Variants in C3orf52 observed in about 807,000 individuals in gnomAD.
The protein encoded by C3orf52 is TPA-induced transmembrane protein.
C3orf52 carries 22 observed loss-of-function variants against 24.8 expected under a neutral mutation model. That is an observed-to-expected ratio of 0.89 (90% CI 0.63 to 1.27). C3orf52 has a LOEUF of 1.27. Among genes scored for constraint, C3orf52 ranks in the 50% most tolerant of loss-of-function variants. The pLI is 0.00. For synonymous variants in C3orf52, 93 were observed against 100.2 expected (o/e 0.93, Z 0.43); for missense variants, 265 against 260.7 (o/e 1.02, Z -0.11).
intron 3 of C3orf52, among the ~76,000 whole-genome samples, 183 bp downstream of exon 3, chr3:112,103,148 G>A (rs1345798243): frequency 6.6e-6 from 1 of 152,144 alleles, no homozygotes; most frequent in African/African-American, 2.4e-5. Context: ...TCACTTACAA[G>A]TGGGAGCTAA....
intron 1 of C3orf52, 28 bp from the exon 2 acceptor site, chr3:112,093,332 G>A: frequency 1.2e-6 from 2 of 1,612,118 alleles, no homozygotes. Context: ...CACAATGACT[G>A]CCTCACAATC....
chr3:112,125,392 G>A (rs1576162549), intron 4 of C3orf52: 1 of 661,836 alleles, frequency 1.5e-6, no homozygotes, highest in East Asian at 2.7e-5. Context: ...CTGATCTACA[G>A]CACATCCCTG....
downstream of C3orf52, chr3:112,133,047 T>G: frequency 6.3e-7 from 1 of 1,591,238 alleles, no homozygotes; most frequent in Non-Finnish European, 8.6e-7. Flanking sequence ...TGCTGTATTG[T>G]CCTGTCCCAT....
intron 5 of C3orf52, 27 bp from the exon 6 acceptor site, chr3:112,116,614 CT>C: frequency 1.3e-6 from 2 of 1,523,058 alleles, no homozygotes; most frequent in African/African-American, 1.4e-5. Flanking sequence ...AAATCAGTAA[CT>C]TTTGTTCATC....
intron 2 of C3orf52, among the ~76,000 whole-genome samples, chr3:112,100,119 T>C (rs908452009): frequency 6.6e-6 from 1 of 152,214 alleles, no homozygotes; most frequent in Non-Finnish European, 1.5e-5. Flanking sequence ...AACTTGTGCC[T>C]GTTGGCCTCT....
chr3:112,124,690 T>C (rs932564897), intron 4 of C3orf52, among the ~76,000 whole-genome samples: 2 of 152,210 alleles, frequency 1.3e-5, no homozygotes, highest in African/African-American at 4.8e-5. Flanking sequence ...CCTCTAGAGA[T>C]ATTTATGTTA....
chr3:112,132,383 A>G (rs892702412), downstream of C3orf52, among the ~76,000 whole-genome samples: 1 of 152,142 alleles, frequency 6.6e-6, no homozygotes, highest in Non-Finnish European at 1.5e-5. Flanking sequence ...TACCCTAGAG[A>G]TTACCTTGTC....
chr3:112,123,481 A>C, intron 4 of C3orf52: 2 of 1,614,130 alleles, frequency 1.2e-6, no homozygotes. Context: ...TGAGTCTCAG[A>C]AGGGGCCATA....
intron 1 of C3orf52, among the ~76,000 whole-genome samples, chr3:112,090,287 C>CTTTTTTTTTT (rs386397627): frequency 1.8e-5 from 2 of 109,048 alleles, no homozygotes; most frequent in Admixed American, 9.9e-5. Context: ...GTTTCATGTG[C>CTTTTTTTTTT]TTTTTTTTTT....
intron 1 of C3orf52, among the ~76,000 whole-genome samples, chr3:112,090,366 C>G (rs763214690): frequency 2.0e-5 from 3 of 148,130 alleles, no homozygotes; most frequent in Non-Finnish European, 4.4e-5. Context: ...ATGCTCATAG[C>G]TCACTGCAGC....
At chr3:112,132,862 A>G (rs980614975), downstream of C3orf52, 5 of 499,860 alleles carry the variant, frequency 1.0e-5, no homozygotes, top group Admixed American at 1.2e-4. Context: ...TCCACCTTTC[A>G]GCTATTCTCC....
At chr3:112,135,193 T>C (rs1218424463), downstream of C3orf52, 1 of 150,930 alleles carries the variant, frequency 6.6e-6, no homozygotes, top group African/African-American at 2.4e-5. Flanking sequence ...ATCCTTGTAT[T>C]TGATGGTTGT....
chr3:112,106,132 T>G (rs542713479), intron 3 of C3orf52, among the ~76,000 whole-genome samples: 1 of 152,210 alleles, frequency 6.6e-6, no homozygotes, highest in Non-Finnish European at 1.5e-5. Context: ...CTCTCCAGAC[T>G]CTGTCTTTTA....
At chr3:112,091,224 A>G (rs1017827608) in intron 1 of C3orf52, among the ~76,000 whole-genome samples, 1 of 152,204 alleles carries the variant, frequency 6.6e-6, no homozygotes, top group Admixed American at 6.5e-5. Flanking sequence ...AACAGCCCAC[A>G]ATCGTTAAAT....
intron 2 of C3orf52, among the ~76,000 whole-genome samples, chr3:112,095,620 G>A (rs371526707): frequency 6.6e-6 from 1 of 152,206 alleles, no homozygotes; most frequent in East Asian, 1.9e-4. Flanking sequence ...AACACTTGTA[G>A]TGCAAACTTT....
downstream of C3orf52, chr3:112,134,655 T>C (rs911130261): frequency 1.3e-5 from 2 of 152,254 alleles, no homozygotes; most frequent in African/African-American, 2.4e-5. Context: ...GTGAAACTTA[T>C]GTCCTCTAAG....
At chr3:112,101,437 A>G (rs919733502) in intron 2 of C3orf52, among the ~76,000 whole-genome samples, 1 of 152,172 alleles carries the variant, frequency 6.6e-6, no homozygotes, top group South Asian at 2.1e-4. Context: ...TTGGTCATAT[A>G]CGTAGCCTCT....
downstream of C3orf52, among the ~76,000 whole-genome samples, chr3:112,132,169 G>A (rs540166339): frequency 2.0e-5 from 3 of 152,262 alleles, no homozygotes; most frequent in South Asian, 2.1e-4. Flanking sequence ...GGGTAGAGAA[G>A]TCTCAGACAA....
intron 3 of C3orf52, among the ~76,000 whole-genome samples, chr3:112,104,706 G>A (rs6790375): frequency 0.062 from 9,335 of 151,752 alleles, 392 homozygotes; most frequent in African/African-American, 0.12. Context: ...TAAGTTCTTT[G>A]GTGGTGATTT....
Sources: allele counts gnomAD v4.1 joint callset (sites outside exome capture counted in the v4.1 genomes callset), GRCh38; gene constraint gnomAD v4.1.1; transcripts MANE v1.5; gene names NCBI Gene and HGNC (gene_info 2026-07-23, HGNC 2026-07-21).